Variants in MROH2B observed in about 807,000 individuals in gnomAD.
MROH2B encodes maestro heat-like repeat-containing protein family member 2B.
MROH2B carries 177 observed loss-of-function variants against 208.6 expected under a neutral mutation model. The ratio of observed to expected loss-of-function variants is 0.85; its 90% CI spans 0.75 to 0.96. The LOEUF is 0.96. Among genes scored for constraint, MROH2B ranks in the 40% least tolerant of loss-of-function variants. The pLI, the probability that MROH2B is intolerant of heterozygous loss-of-function variation, is 0.00. For synonymous variants in MROH2B, 728 were observed against 659.0 expected (o/e 1.10, Z -1.60); for missense variants, 2,002 against 1,878.7 (o/e 1.07, Z -1.21).
chr5:41,018,575 T>C (rs6862217), intron 26 of MROH2B, 116 bp downstream of exon 26: 1,135,257 of 1,389,090 alleles, frequency 0.82, 465,674 homozygotes, highest in African/African-American at 0.87. Flanking sequence ...GTATGTGGGG[T>C]GTGGGTGGGT....
chr5:41,001,723 A>G (rs1741402990), intron 37 of MROH2B, among the ~76,000 whole-genome samples: 2 of 151,740 alleles, frequency 1.3e-5, no homozygotes, highest in Admixed American at 6.6e-5. Flanking sequence ...TCTCAAAAAA[A>G]GAAAGAAAAA....
In MROH2B at chr5:41,041,599, G is replaced by A. The variant is rs143668311; in HGVS notation, c.1953+493C>T. Among the ~76,000 whole-genome samples the A allele has an allele frequency of 1.3e-3, 198 of 152,222 alleles. 2 individuals carry two copies. In the East Asian group the frequency reaches 0.034, roughly 26 times the overall value. ...AGATCGTGTCACTGCACTCCACCCCGGGTGACAGAGCGACACTCTGTCTCA... is the reference window on the plus strand; with the variant it reads ...AGATCGTGTCACTGCACTCCACCCCAGGTGACAGAGCGACACTCTGTCTCA... On this transcript the variant is annotated intron_variant, in intron 19 of 41. Transcript: ENST00000399564.
chr5:41,028,033 C>T (rs837527), intron 24 of MROH2B, among the ~76,000 whole-genome samples: 24,692 of 142,194 alleles, frequency 0.17, 2,171 homozygotes, highest in East Asian at 0.32. Context: ...CACCAGGGCC[C>T]GTCGTGGGGT....
chr5:41,066,034 G>T (rs1272468554), intron 3 of MROH2B, among the ~76,000 whole-genome samples: 1 of 152,188 alleles, frequency 6.6e-6, no homozygotes, highest in Non-Finnish European at 1.5e-5. Context: ...TTCGAGGTCA[G>T]TAGCTGTTTT....
rs1233954741 is a variant in MROH2B, at chr5:41,027,987, A to AT, written c.2441+4754dup. On this transcript the variant is annotated intron_variant, in intron 24 of 41. Coordinates refer to ENST00000399564, the MANE Select transcript of MROH2B (RefSeq NM_173489.5). ...CTCACTCACAGGTGGGAACTGAACAATGAGAACACTTGGAAACAGGGTGGG... is the reference window on the plus strand; with the variant it reads ...CTCACTCACAGGTGGGAACTGAACAATTGAGAACACTTGGAAACAGGGTGGG... Among the ~76,000 whole-genome samples, 9 of 151,310 alleles carry AT rather than the reference A, an allele frequency of 5.9e-5. No homozygotes were observed. In the East Asian group the frequency reaches 1.8e-3, roughly 30 times the overall value.
intron 24 of MROH2B, among the ~76,000 whole-genome samples, chr5:41,030,098 T>A (rs746594004): frequency 2.7e-5 from 4 of 149,468 alleles, no homozygotes; most frequent in Admixed American, 6.7e-5. Flanking sequence ...TTAAAAAAAA[T>A]ATTATAATTA....
intron 4 of MROH2B, 22 bp downstream of exon 4, chr5:41,065,309 T>C (rs1743767135): frequency 2.5e-6 from 4 of 1,591,566 alleles, no homozygotes; most frequent in South Asian, 1.1e-5. Context: ...CCAGGGAAAA[T>C]TGGAGAATAT....
chr5:41,045,065 CA>C, intron 18 of MROH2B, among the ~76,000 whole-genome samples: 1 of 152,254 alleles, frequency 6.6e-6, no homozygotes, highest in Non-Finnish European at 1.5e-5. Context: ...AAACTGGCTT[CA>C]AACCCCATTT....
chr5:41,009,541 G>C, intron 31 of MROH2B, 135 bp from the exon 32 acceptor site: 1 of 1,173,364 alleles, frequency 8.5e-7, no homozygotes, highest in Non-Finnish European at 1.2e-6. Context: ...GCCATGCCTG[G>C]GGATAAGAAA....
chr5:41,055,494 T>A (rs1319729968), intron 10 of MROH2B, among the ~76,000 whole-genome samples: 7 of 148,864 alleles, frequency 4.7e-5, no homozygotes, highest in Non-Finnish European at 8.9e-5. Context: ...ATTCGAACTT[T>A]AATTCTCAAA....
At chr5:41,003,952 T>C (rs1741485660) in intron 37 of MROH2B, among the ~76,000 whole-genome samples, 2 of 152,224 alleles carry the variant, frequency 1.3e-5, no homozygotes, top group Admixed American at 6.5e-5. Context: ...GCAAACGTTT[T>C]CTCTAAAAGG....
chr5:41,005,985 C>T lies in MROH2B; in HGVS notation c.3750-340G>A, dbSNP rs753957073. ...GACAGAGGTTGCAGTCAGCCGAGAT[C>T]GCGCCACTGCACACTCCAGCCTGGG... On this transcript the variant is annotated intron_variant, in intron 34 of 41. Transcript: ENST00000399564. Among the ~76,000 whole-genome samples the T allele has an allele frequency of 1.5e-4, 22 of 148,584 alleles. No homozygotes were observed. In the South Asian group the frequency reaches 3.0e-3, roughly 20 times the overall value.
Position 41,048,415 on chromosome 5 carries a change from T to C in MROH2B, c.1593A>G (p.Ile531Met). The C allele has an allele frequency of 6.2e-7, 1 of 1,613,650 alleles. No homozygotes were observed. Among genetic ancestry groups the C allele is most frequent in the Admixed American group, 1.7e-5 (1 of 59,960 alleles). Residue 531 changes from isoleucine (I) to methionine (M), a missense_variant, in exon 16 of 42, where the codon ATA becomes ATG. Ile to Met is a conservative substitution (Grantham distance 10). Transcript: ENST00000399564. ...TCTCAGGCAGTATCTTCAAAAGCCCTATTGCACCAGCCCCACGTAACTCCC... is the reference window on the plus strand; with the variant it reads ...TCTCAGGCAGTATCTTCAAAAGCCCCATTGCACCAGCCCCACGTAACTCCC... ...SLGELRGAGA[I>M]GLLKILPEII...
intron 12 of MROH2B, 117 bp from the exon 13 acceptor site, chr5:41,051,207 G>C (rs1238690819): frequency 4.0e-6 from 2 of 497,992 alleles, no homozygotes; most frequent in African/African-American, 2.0e-5. Flanking sequence ...CAACTTAAGG[G>C]GCTCATGGAA....
chr5:41,062,475 T>C (rs967854412), intron 5 of MROH2B, among the ~76,000 whole-genome samples: 1 of 152,202 alleles, frequency 6.6e-6, no homozygotes, highest in Non-Finnish European at 1.5e-5. Flanking sequence ...CACTTCTGAT[T>C]TGCGTGATTT....
At chr5:41,016,522 T>TTTTTATTAA (rs1741958665) in intron 28 of MROH2B, among the ~76,000 whole-genome samples, 1 of 146,942 alleles carries the variant, frequency 6.8e-6, no homozygotes, top group Non-Finnish European at 1.5e-5. Flanking sequence ...TTTTTTTTTT[T>TTTTTATTAA]GAGACAGTCT....
chr5:41,000,692 G>C lies in MROH2B; in HGVS notation c.4336C>G (p.Pro1446Ala). 6.2e-7 allele frequency: 1 copy of C among 1,611,366 alleles called. No homozygotes were observed. The highest frequency in any genetic ancestry group is 8.5e-7 in the Non-Finnish European group (1 of 1,178,858). Residue 1446 changes from proline (P) to alanine (A), a missense_variant, in exon 38 of 42, where the codon CCC becomes GCC. Pro to Ala is a conservative substitution (Grantham distance 27). Transcript: ENST00000399564. ...SFLLHLWDPN[P>A]KIGVACRDVL... is the part of the protein sequence containing the mutation. ...AGAGCACTTACAACTCCAATCTTGG[G>C]GTTGGGATCCCAAAGGTGCAGAAGG...
chr5:41,025,990 C>T (rs1561286700), intron 24 of MROH2B, among the ~76,000 whole-genome samples: 4 of 152,038 alleles, frequency 2.6e-5, no homozygotes, highest in South Asian at 2.1e-4. Flanking sequence ...TCAACAGCCC[C>T]TCATGCTAAA....
At chr5:41,024,113 G>T (rs1407791873) in intron 24 of MROH2B, among the ~76,000 whole-genome samples, 1 of 152,196 alleles carries the variant, frequency 6.6e-6, no homozygotes, top group Non-Finnish European at 1.5e-5. Context: ...AGGCTAGGAA[G>T]AAACTGCATC....
Sources: gnomAD v4.1 joint callset for allele counts (sites outside exome capture counted in the v4.1 genomes callset) on GRCh38, gnomAD v4.1.1 for gene constraint, MANE v1.5 for transcripts, NCBI Gene and HGNC (gene_info 2026-07-23, HGNC 2026-07-21) for gene names.